The following PCDH15 variants were observed in gnomAD, a reference collection of about 807,000 sequenced individuals.
PCDH15 encodes protocadherin related 15.
Under a neutral mutation model 178.5 loss-of-function variants are expected in PCDH15, and 129 were observed. That is an observed-to-expected ratio of 0.72 (90% CI 0.63 to 0.84). PCDH15 has a LOEUF of 0.84. Among genes scored for constraint, PCDH15 ranks in the 40% least tolerant of loss-of-function variants. The probability of loss-of-function intolerance (pLI) is 0.00; values close to 1 mark genes in which losing one functional copy is unlikely to be tolerated. For missense variants in PCDH15, 2,230 were observed against 2,099.9 expected, an observed-to-expected ratio of 1.06 and a Z score of -1.21; for synonymous variants, 800 against 732.0, an observed-to-expected ratio of 1.09 and a Z score of -1.50.
intron 8 of PCDH15, among the ~76,000 whole-genome samples, chr10:54,307,431 C>T (rs1374185477): frequency 6.6e-6 from 1 of 151,358 alleles, no homozygotes; most frequent in African/African-American, 2.4e-5. Flanking sequence ...TCTGAACCAC[C>T]ACAGCCCAAC....
Position 54,060,973 on chromosome 10 carries a change from C to T in PCDH15, c.2220+5784G>A, listed in dbSNP as rs1482325488. ...GCTGGACACTGATTTAGTAGACTGG[C>T]TTAGAGTCAGTCTATCTAAAGGCTG... On this transcript the variant is annotated intron_variant, in intron 18 of 37. Transcript: ENST00000644397. Among the ~76,000 whole-genome samples the T allele has an allele frequency of 3.9e-5, 6 of 152,226 alleles. No individual in the cohort carries two copies. In the South Asian group the frequency reaches 1.2e-3, roughly 32 times the overall value.
intron 2 of PCDH15, among the ~76,000 whole-genome samples, chr10:55,405,509 A>AT (rs1326731949): frequency 1.3e-5 from 2 of 151,290 alleles, no homozygotes; most frequent in African/African-American, 4.8e-5. Context: ...CCTCTGTATA[A>AT]TTTTTTGTAG....
chr10:55,205,137 G>A (rs1840362043), intron 1 of PCDH15, among the ~76,000 whole-genome samples: 1 of 151,918 alleles, frequency 6.6e-6, no homozygotes, highest in Non-Finnish European at 1.5e-5. Flanking sequence ...TAGTATGATA[G>A]AGAAGTGATA....
intron 1 of PCDH15, among the ~76,000 whole-genome samples, chr10:54,666,618 CAAT>C (rs2094575760): frequency 6.6e-6 from 1 of 151,532 alleles, no homozygotes; most frequent in African/African-American, 2.4e-5. Flanking sequence ...AGAAATAAAA[CAAT>C]GTTATTTAAA....
intron 2 of PCDH15, among the ~76,000 whole-genome samples, chr10:55,510,079 A>G (rs1840845409): frequency 6.6e-6 from 1 of 151,942 alleles, no homozygotes; most frequent in African/African-American, 2.4e-5. Context: ...TTAACAACAG[A>G]GACTTTTTTT....
chr10:54,734,319 C>T (rs1331625031), intron 1 of PCDH15, among the ~76,000 whole-genome samples: 1 of 151,788 alleles, frequency 6.6e-6, no homozygotes, highest in Non-Finnish European at 1.5e-5. Flanking sequence ...TGCTCAACAA[C>T]AGTCATTAGG....
At chr10:55,354,637 C>G (rs1845029923) in intron 2 of PCDH15, among the ~76,000 whole-genome samples, 2 of 152,018 alleles carry the variant, frequency 1.3e-5, no homozygotes, top group Admixed American at 6.6e-5. Context: ...GACTTACTGA[C>G]TTAACATTCA....
At chr10:55,520,319 GCAATGTGTATA>G (rs1565218186) in intron 2 of PCDH15, among the ~76,000 whole-genome samples, 3 of 29,210 alleles carry the variant, frequency 1.0e-4, no homozygotes, top group Admixed American at 4.0e-4. Flanking sequence ...ATATATACAT[GCAATGTGTATA>G]TATATATATA....
At chr10:55,048,432 T>C (rs1564747293) in intron 2 of PCDH15, among the ~76,000 whole-genome samples, 1 of 151,872 alleles carries the variant, frequency 6.6e-6, no homozygotes, top group South Asian at 2.1e-4. Flanking sequence ...AAAATAGATA[T>C]GGTTGATAGA....
intron 3 of PCDH15, among the ~76,000 whole-genome samples, chr10:54,498,375 A>C (rs1192463992): frequency 6.6e-6 from 1 of 152,186 alleles, no homozygotes; most frequent in Non-Finnish European, 1.5e-5. Flanking sequence ...CTGCACTGAC[A>C]CTACAAAGGA....
At chr10:55,186,505 T>A (rs1429088899) in intron 1 of PCDH15, among the ~76,000 whole-genome samples, 1 of 151,702 alleles carries the variant, frequency 6.6e-6, no homozygotes, top group Non-Finnish European at 1.5e-5. Flanking sequence ...TTGGACAAAC[T>A]ATTAGGTGTT....
At chr10:55,321,342 T>C (rs1186035204), upstream of PCDH15, among the ~76,000 whole-genome samples, 1 of 151,690 alleles carries the variant, frequency 6.6e-6, no homozygotes, top group African/African-American at 2.4e-5. Flanking sequence ...AAATATGAGA[T>C]TATATAAAGA....
intron 16 of PCDH15, among the ~76,000 whole-genome samples, chr10:54,085,034 G>A (rs1457282934): frequency 6.6e-6 from 1 of 152,154 alleles, no homozygotes; most frequent in African/African-American, 2.4e-5. Context: ...ATTGACAGCA[G>A]TTTGGGGAAA....
At chr10:54,444,038 AT>A (rs1321597521) in intron 3 of PCDH15, among the ~76,000 whole-genome samples, 1 of 151,746 alleles carries the variant, frequency 6.6e-6, no homozygotes, top group African/African-American at 2.4e-5. Context: ...GAGAAAAAAA[AT>A]CTTCATTCTT....
chr10:54,089,456 T>G (rs758135580), intron 16 of PCDH15, among the ~76,000 whole-genome samples: 1 of 152,208 alleles, frequency 6.6e-6, no homozygotes, highest in Admixed American at 6.5e-5. Context: ...CCCAGTTTTC[T>G]CAATAGTTAT....
intron 2 of PCDH15, among the ~76,000 whole-genome samples, chr10:55,577,156 T>C (rs556289378): frequency 6.6e-6 from 1 of 152,164 alleles, no homozygotes; most frequent in South Asian, 2.1e-4. Context: ...GCAGAAAAAT[T>C]ATTTGAACCC....
chr10:54,607,112 T>G (rs958570865), intron 2 of PCDH15: 4 of 152,136 alleles, frequency 2.6e-5, no homozygotes, highest in Admixed American at 2.0e-4. Context: ...TAACTTATAC[T>G]TAATATTTAT....
intron 2 of PCDH15, among the ~76,000 whole-genome samples, chr10:55,126,378 G>C (rs183967255): frequency 2.0e-5 from 3 of 152,004 alleles, no homozygotes; most frequent in Non-Finnish European, 4.4e-5. Flanking sequence ...TTTCCTTTAA[G>C]ATTTATTGGC....
chr10:53,949,381 A>G lies in PCDH15; in HGVS notation c.3123-8406T>C, dbSNP rs563093950. On this transcript the variant is annotated intron_variant, in intron 23 of 37. Coordinates refer to ENST00000644397, the MANE Select transcript of PCDH15 (RefSeq NM_001384140.1). ...AGCAATCGAGTTATGCTCTCTGCAT[A>G]TGCATTTGTTTTACATTATTTTAAT... Among the ~76,000 whole-genome samples the G allele has an allele frequency of 2.0e-5, 3 of 152,356 alleles. No homozygotes were observed. The East Asian group carries it at 5.8e-4, about 29-fold the overall frequency.
Sources: gnomAD v4.1 joint callset for allele counts (sites outside exome capture counted in the v4.1 genomes callset) on GRCh38, gnomAD v4.1.1 for gene constraint, MANE v1.5 for transcripts, NCBI Gene and HGNC (gene_info 2026-07-23, HGNC 2026-07-21) for gene names.